The following WDFY3 variants were observed in gnomAD, a reference collection of about 807,000 sequenced individuals.
The protein encoded by WDFY3 is WD repeat and FYVE domain-containing protein 3.
In WDFY3, 66 loss-of-function variants were observed where a neutral mutation model predicts 409.6. The observed-to-expected ratio is 0.16, with a 90% CI of 0.13 to 0.20. The LOEUF is 0.20. WDFY3 is among the 10% of genes least tolerant of loss of function. The pLI, the probability that WDFY3 is intolerant of heterozygous loss-of-function variation, is 1.00. For synonymous variants in WDFY3, 1,521 were observed against 1,537.1 expected (o/e 0.99, Z 0.25); for missense variants, 3,031 against 4,298.1 (o/e 0.71, Z 8.24).
chr4:84,836,828 G>A (rs1477505275), intron 7 of WDFY3, 101 bp downstream of exon 7: 7 of 1,054,370 alleles, frequency 6.6e-6, no homozygotes, highest in Non-Finnish European at 8.9e-6. Flanking sequence ...TAAATAAAAT[G>A]AAATATGAGT....
At chr4:84,710,903 C>A (rs1042872068) in intron 51 of WDFY3, among the ~76,000 whole-genome samples, 8 of 152,112 alleles carry the variant, frequency 5.3e-5, no homozygotes, top group African/African-American at 1.9e-4. Context: ...TGATTAGGAG[C>A]AGAACATGTT....
At chr4:84,936,777 G>A (rs192737740) in intron 1 of WDFY3, among the ~76,000 whole-genome samples, 3 of 151,876 alleles carry the variant, frequency 2.0e-5, no homozygotes, top group Non-Finnish European at 4.4e-5. Flanking sequence ...GCAATCAGAA[G>A]AGAACTTCCA....
chr4:84,861,187 G>C lies in WDFY3; in HGVS notation c.-31-565C>G, dbSNP rs376800650. On this transcript the variant is annotated intron_variant, in intron 3 of 67. Coordinates refer to ENST00000295888, the MANE Select transcript of WDFY3 (RefSeq NM_014991.6). ...GATCACGCCACTGCATTTCAGCTTGGGTGACAGAGACTCTGTCTTTAAATA... is the reference window on the plus strand; with the variant it reads ...GATCACGCCACTGCATTTCAGCTTGCGTGACAGAGACTCTGTCTTTAAATA... Among the ~76,000 whole-genome samples, 6 of 151,820 alleles carry C rather than the reference G, an allele frequency of 4.0e-5. No individual in the cohort carries two copies. The East Asian group carries it at 7.7e-4, about 20-fold the overall frequency.
intron 1 of WDFY3, among the ~76,000 whole-genome samples, chr4:84,937,867 A>G (rs1280890093): frequency 6.6e-6 from 1 of 152,118 alleles, no homozygotes; most frequent in Non-Finnish European, 1.5e-5. Context: ...CCAAGAGATG[A>G]TTACAGTAGA....
At chr4:84,965,714 C>G (rs1324737262) in intron 1 of WDFY3, 2 of 152,274 alleles carry the variant, frequency 1.3e-5, no homozygotes, top group African/African-American at 4.8e-5. Context: ...AGACAGCGCC[C>G]GAGGGATGGA....
At chr4:84,946,073 T>G (rs1315749124) in intron 1 of WDFY3, among the ~76,000 whole-genome samples, 1 of 152,116 alleles carries the variant, frequency 6.6e-6, no homozygotes, top group East Asian at 1.9e-4. Context: ...TACACAGTGT[T>G]AATGTGAGTG....
At chr4:84,953,566 A>T (rs1390741587) in intron 1 of WDFY3, among the ~76,000 whole-genome samples, 7 of 152,182 alleles carry the variant, frequency 4.6e-5, no homozygotes, top group South Asian at 4.1e-4. Flanking sequence ...GTATTTTTTT[A>T]AAAAAAGAAT....
intron 8 of WDFY3, among the ~76,000 whole-genome samples, chr4:84,829,512 T>C (rs557647805): frequency 9.9e-5 from 15 of 152,258 alleles, no homozygotes; most frequent in African/African-American, 2.9e-4. Flanking sequence ...TCTTTTATAT[T>C]GATATAGTAA....
At chr4:84,787,461 A>G (rs760702300) in intron 23 of WDFY3, 21 bp downstream of exon 23, 2 of 1,603,114 alleles carry the variant, frequency 1.2e-6, no homozygotes, top group Admixed American at 3.4e-5. Flanking sequence ...CAACTTCAAG[A>G]ACTAAAAATA....
chr4:84,772,298 G>A (rs1744806773), intron 30 of WDFY3, among the ~76,000 whole-genome samples: 1 of 152,076 alleles, frequency 6.6e-6, no homozygotes, highest in Admixed American at 6.6e-5. Context: ...GGATATATAT[G>A]TACTAAATGA....
chr4:84,965,898 C>CCCGGTT (rs1194755666), intron 1 of WDFY3: 2 of 152,622 alleles, frequency 1.3e-5, no homozygotes, highest in African/African-American at 4.8e-5. Context: ...CCCGAAATAT[C>CCCGGTT]CCGGTTCCGC....
chr4:84,945,978 G>A (rs1233025666), intron 1 of WDFY3, among the ~76,000 whole-genome samples: 1 of 152,172 alleles, frequency 6.6e-6, no homozygotes, highest in African/African-American at 2.4e-5. Flanking sequence ...CCATCAAGGA[G>A]AAGACAGGTT....
At chr4:84,899,773 A>C (rs1000884997) in intron 2 of WDFY3, among the ~76,000 whole-genome samples, 1 of 152,168 alleles carries the variant, frequency 6.6e-6, no homozygotes, top group Non-Finnish European at 1.5e-5. Context: ...GGTGAGTCAC[A>C]CCTATAATCC....
chr4:84,694,731 G>C (rs1029418749), intron 58 of WDFY3, among the ~76,000 whole-genome samples: 7 of 152,002 alleles, frequency 4.6e-5, no homozygotes, highest in African/African-American at 1.7e-4. Context: ...AGGAGTTCAA[G>C]ACCAGCCTGG....
chr4:84,718,578 GA>G lies in WDFY3; in HGVS notation c.7606-9del. The stretch of plus-strand genomic sequence containing the variant: ...GCGGTACATGTGTTGGATCTATAAA[GA>G]AGCCCACAAACATTCATTAATATAG... On this transcript the variant is annotated splice_polypyrimidine_tract_variant and intron_variant, in intron 47 of 67. Coordinates refer to ENST00000295888, the MANE Select transcript of WDFY3 (RefSeq NM_014991.6). The G allele has an allele frequency of 6.2e-7, 1 of 1,602,120 alleles. No individual in the cohort carries two copies. The highest frequency in any genetic ancestry group is 8.5e-7 in the Non-Finnish European group (1 of 1,176,126).
intron 35 of WDFY3, among the ~76,000 whole-genome samples, chr4:84,752,935 G>A (rs759882879): frequency 2.0e-5 from 3 of 152,244 alleles, no homozygotes; most frequent in Non-Finnish European, 4.4e-5. Context: ...ATATGGTTTT[G>A]TGTAAACTAC....
intron 3 of WDFY3, among the ~76,000 whole-genome samples, chr4:84,861,619 AAATAG>A (rs1760646777): frequency 6.6e-6 from 1 of 152,204 alleles, no homozygotes; most frequent in African/African-American, 2.4e-5. Context: ...CAAAGAAGTG[AAATAG>A]AATAGAAAAA....
chr4:84,785,948 C>T, intron 24 of WDFY3, 31 bp downstream of exon 24: 4 of 1,611,312 alleles, frequency 2.5e-6, no homozygotes, highest in Non-Finnish European at 3.4e-6. Flanking sequence ...TGAGAATCAG[C>T]CATAGTACAC....
chr4:84,774,750 A>T, intron 29 of WDFY3, 70 bp downstream of exon 29: 2 of 1,477,518 alleles, frequency 1.4e-6, no homozygotes, highest in East Asian at 4.6e-5. Flanking sequence ...AATTAAATTC[A>T]TCTCATCCAT....
Sources: allele counts gnomAD v4.1 joint callset (sites outside exome capture counted in the v4.1 genomes callset), GRCh38; gene constraint gnomAD v4.1.1; transcripts MANE v1.5; gene names NCBI Gene and HGNC (gene_info 2026-07-23, HGNC 2026-07-21).